NAP1L5: variants seen among roughly 807,000 people sequenced by gnomAD.
The protein encoded by NAP1L5 is nucleosome assembly protein 1 like 5.
For missense variants in NAP1L5, 249 were observed against 246.4 expected, an observed-to-expected ratio of 1.01 and a Z score of -0.07; for synonymous variants, 125 against 103.6, an observed-to-expected ratio of 1.21 and a Z score of -1.25.
In NAP1L5 at chr4:88,697,226, G is replaced by A; in HGVS notation, c.529C>T (p.Pro177Ser). Residue 177 changes from proline (P) to serine (S), a missense_variant, in exon 1 of 1, where the codon CCT (proline) becomes TCT (serine). By Grantham distance (74) the Pro-to-Ser change is moderately conservative (BLOSUM62 -1). Coordinates refer to ENST00000323061, the MANE Select transcript of NAP1L5 (RefSeq NM_153757.4). Reference protein sequence around the residue: ...AKHDDAHAEMPDDAKK With the variant: ...AKHDDAHAEMSDDAKK ...CCCCCTTACTTCTTGGCGTCATCAG[G>A]CATCTCGGCGTGGGCATCGTCATGT... is the stretch of plus-strand genomic sequence containing the variant. 1 of 1,521,494 alleles carries A rather than the reference G, an allele frequency of 6.6e-7. No individual in the cohort carries two copies. The highest frequency in any genetic ancestry group is 1.4e-5 in the African/African-American group (1 of 71,596). 94.2% of individuals were successfully genotyped at this position (1,521,494 alleles called of 1,614,324 possible). A position where few individuals can be genotyped will look rare whatever the true frequency, so the allele number is the denominator to read the frequency against.
At position 88,697,560 on chromosome 4, in the gene NAP1L5, C is replaced by T. The variant is rs1734749229; in HGVS notation, c.195G>A (p.Pro65=). The part of the protein sequence containing the change: ...PQTPAENAPK[P]KNDFIESLPN... ...GCAGGCTCTCGATAAAGTCATTTTT[C>T]GGCTTTGGGGCATTCTCTGCAGGGG... Residue 65 remains proline, a synonymous_variant, in exon 1 of 1, where the codon CCG becomes CCA. Transcript: ENST00000323061. 1.1e-5 allele frequency: 18 copies of T among 1,613,934 alleles called. No homozygotes were observed. The highest frequency in any genetic ancestry group is 1.5e-5 in the Non-Finnish European group (18 of 1,180,002).
Position 88,697,321 on chromosome 4 carries a change from T to C in NAP1L5, c.434A>G (p.Glu145Gly). Residue 145 changes from glutamate (E) to glycine (G), a missense_variant, in exon 1 of 1, where the codon GAG becomes GGG. By Grantham distance (98) the Glu-to-Gly change is moderately conservative (BLOSUM62 -2). Coordinates refer to ENST00000323061, the MANE Select transcript of NAP1L5 (RefSeq NM_153757.4). ...GTCTTCCCCCTCCTCCTCGTCATCC[T>C]CGTACTCCTCTTCCTCCTCCTCCTC... The part of the protein sequence containing the change: ...EGEEEEEEEY[E>G]DDEEEGEDEE... 3.7e-6 allele frequency: 6 copies of C among 1,613,456 alleles called. No individual in the cohort carries two copies. The highest frequency in any genetic ancestry group is 4.2e-6 in the Non-Finnish European group (5 of 1,179,630).
rs773092246 is a variant in NAP1L5 at position 88,697,694 on chromosome 4, C to T, written c.61G>A (p.Ala21Thr). 5.5e-5 allele frequency: 89 copies of T among 1,612,018 alleles called. 2 individuals are homozygous for T. The Admixed American group carries it at 1.5e-3, about 27-fold the overall frequency. Reference sequence around the variant, plus strand: ...TCCGCCATTACCTCCTCTGCCGCTGCCTCCGCCGCTGCCGCCGCCTGGCTA... The same window carrying T: ...TCCGCCATTACCTCCTCTGCCGCTGTCTCCGCCGCTGCCGCCGCCTGGCTA... Reference protein sequence around the residue: ...EPSQAAAAAEAAAEEVMAEGG... With the variant: ...EPSQAAAAAETAAEEVMAEGG... Residue 21 changes from alanine to threonine, a missense_variant, in exon 1 of 1, where the codon GCA becomes ACA. By Grantham distance (58) the Ala-to-Thr change is moderately conservative. Transcript: ENST00000323061.
At position 88,696,317 on chromosome 4, in the gene NAP1L5, C is replaced by T. The variant is rs142831234; in HGVS notation, c.*889G>A. The T allele has an allele frequency of 3.9e-5, 6 of 152,710 alleles. No homozygotes were observed. The highest frequency in any genetic ancestry group is 1.3e-4 in the Admixed American group (2 of 15,310). 9.5% of individuals were successfully genotyped at this position (152,710 alleles called of 1,614,324 possible). On this transcript the variant is annotated 3_prime_UTR_variant, in exon 1 of 1. Coordinates refer to ENST00000323061, the MANE Select transcript of NAP1L5 (RefSeq NM_153757.4). ...CCCTAAAAGCTACATGACAGAAAGA[C>T]GTCACAAGGCGCAAAGTACATAACG...
At position 88,697,681 on chromosome 4, in the gene NAP1L5, TCCTCTGCCGCTG is replaced by T. The variant is rs762048249; in HGVS notation, c.62_73del (p.Ala21_Glu24del). 9.6e-5 allele frequency: 154 copies of T among 1,612,080 alleles called. No individual in the cohort carries two copies. The highest frequency in any genetic ancestry group is 2.6e-4 in the South Asian group (24 of 91,030). ...CTGCGCACCGCCTTCCGCCATTACC[TCCTCTGCCGCTG>T]CCTCCGCCGCTGCCGCCGCCTGGCT... On this transcript the variant is annotated inframe_deletion, in exon 1 of 1. Coordinates refer to ENST00000323061, the MANE Select transcript of NAP1L5 (RefSeq NM_153757.4).
In NAP1L5 at chr4:88,697,534, G is replaced by C. The variant is rs370461824; in HGVS notation, c.221C>G (p.Pro74Arg). Residue 74 changes from proline (P) to arginine (R), a missense_variant, in exon 1 of 1, where the codon CCT becomes CGT. By Grantham distance (103) the Pro-to-Arg change is moderately radical. Transcript: ENST00000323061. Reference protein sequence around the residue: ...KPKNDFIESLPNSVKCRVLAL... With the variant: ...KPKNDFIESLRNSVKCRVLAL... ...CAGGACTCGGCATTTCACCGAATTA[G>C]GCAGGCTCTCGATAAAGTCATTTTT... 1 of 1,614,004 alleles carries C rather than the reference G, an allele frequency of 6.2e-7. No individual in the cohort carries two copies. The highest frequency in any genetic ancestry group is 1.3e-5 in the African/African-American group (1 of 74,892).
Position 88,697,554 on chromosome 4 carries a change from A to G in NAP1L5, c.201T>C (p.Asn67=). The G allele has an allele frequency of 6.2e-7, 1 of 1,614,004 alleles. No homozygotes were observed. The highest frequency in any genetic ancestry group is 8.5e-7 in the Non-Finnish European group (1 of 1,179,988). Residue 67 remains asparagine, a synonymous_variant, in exon 1 of 1, where the codon AAT becomes AAC. Coordinates refer to ENST00000323061, the MANE Select transcript of NAP1L5 (RefSeq NM_153757.4). Reference sequence around the variant, plus strand: ...AATTAGGCAGGCTCTCGATAAAGTCATTTTTCGGCTTTGGGGCATTCTCTG... The same window carrying G: ...AATTAGGCAGGCTCTCGATAAAGTCGTTTTTCGGCTTTGGGGCATTCTCTG... The part of the protein sequence containing the change: ...TPAENAPKPK[N]DFIESLPNSV...
chr4:88,697,539 G>T lies in NAP1L5; in HGVS notation c.216C>A (p.Ser72Arg), dbSNP rs1364557112. ...CTCGGCATTTCACCGAATTAGGCAG[G>T]CTCTCGATAAAGTCATTTTTCGGCT... ...APKPKNDFIE[S>R]LPNSVKCRVL... The change falls in exon 1 of 1, where the codon AGC becomes AGA. Residue 72 changes from serine (S) to arginine (R), a missense_variant. Coordinates refer to ENST00000323061, the MANE Select transcript of NAP1L5 (RefSeq NM_153757.4). 2 of 1,614,108 alleles carry T rather than the reference G, an allele frequency of 1.2e-6. No homozygotes were observed. Among genetic ancestry groups the T allele is most frequent in the Non-Finnish European group, 1.7e-6 (2 of 1,180,004 alleles).
chr4:88,697,236 G>C lies in NAP1L5; in HGVS notation c.519C>G (p.His173Gln). ...TCTTGGCGTCATCAGGCATCTCGGCGTGGGCATCGTCATGTTTGGCCCCCG... is the reference window on the plus strand; with the variant it reads ...TCTTGGCGTCATCAGGCATCTCGGCCTGGGCATCGTCATGTTTGGCCCCCG... ...AAAGAKHDDA[H>Q]AEMPDDAKK Residue 173 changes from histidine to glutamine, a missense_variant, in exon 1 of 1, where the codon CAC becomes CAG. His to Gln is a conservative substitution (Grantham distance 24). Transcript: ENST00000323061. 3 of 1,528,076 alleles carry C rather than the reference G, an allele frequency of 2.0e-6. No homozygotes were observed. Among genetic ancestry groups the C allele is most frequent in the East Asian group, 2.3e-5 (1 of 43,582 alleles). 94.7% of individuals were successfully genotyped at this position (1,528,076 alleles called of 1,614,324 possible).
rs771560957 is a variant in NAP1L5, at chr4:88,697,638, G to A, written c.117C>T (p.Ser39=). 1 of 1,613,612 alleles carries A rather than the reference G, an allele frequency of 6.2e-7. No homozygotes were observed. Among genetic ancestry groups the A allele is most frequent in the East Asian group, 2.2e-5 (1 of 44,856 alleles). The change falls in exon 1 of 1, where the codon AGC becomes AGT. Residue 39 remains serine (S), a synonymous_variant. Transcript: ENST00000323061. ...CCGCGCTGTCAGGGTCACCAGCCGC[G>A]CTGTCACAGTCTCCACCCTGCGCAC... ...EGGAQGGDCD[S]AAGDPDSAAG... is the part of the protein sequence containing the mutation.
At position 88,697,179 on chromosome 4, in the gene NAP1L5, C is replaced by A; in HGVS notation, c.*27G>T. 8.9e-6 allele frequency: 13 copies of A among 1,467,026 alleles called. No individual in the cohort carries two copies. Among genetic ancestry groups the A allele is most frequent in the Non-Finnish European group, 1.1e-5 (12 of 1,109,224 alleles). 90.9% of individuals were successfully genotyped at this position (1,467,026 alleles called of 1,614,324 possible). A position where few individuals can be genotyped will look rare whatever the true frequency, so the allele number is the denominator to read the frequency against. Reference sequence around the variant, plus strand: ...AAAACCAGGCTTTTTTCTTCGTGGGCTTTCTCTTCATCCATCTCTGCCCCC... The same window carrying A: ...AAAACCAGGCTTTTTTCTTCGTGGGATTTCTCTTCATCCATCTCTGCCCCC... On this transcript the variant is annotated 3_prime_UTR_variant, in exon 1 of 1. Transcript: ENST00000323061.
Position 88,697,163 on chromosome 4 carries a change from CTT to C in NAP1L5, c.*41_*42del. ...ATATTCTGGGAAAAACAAAACCAGGCTTTTTTCTTCGTGGGCTTTCTCTTCAT... is the reference window on the plus strand; with the variant it reads ...ATATTCTGGGAAAAACAAAACCAGGCTTTTCTTCGTGGGCTTTCTCTTCAT... On this transcript the variant is annotated 3_prime_UTR_variant, in exon 1 of 1. Coordinates refer to ENST00000323061, the MANE Select transcript of NAP1L5 (RefSeq NM_153757.4). 6.9e-7 allele frequency: 1 copy of C among 1,457,050 alleles called. No individual in the cohort carries two copies. The highest frequency in any genetic ancestry group is 9.1e-7 in the Non-Finnish European group (1 of 1,103,212). The allele number at this position is 1,457,050 out of a possible 1,614,324, so 90.3% of individuals were successfully genotyped here. A position where few individuals can be genotyped will look rare whatever the true frequency, so the allele number is the denominator to read the frequency against.
Position 88,697,532 on chromosome 4 carries a change from TAGGC to T in NAP1L5, c.219_222del (p.Pro74IlefsTer3), listed in dbSNP as rs1560778318. ...GCCAGGACTCGGCATTTCACCGAAT[TAGGC>T]AGGCTCTCGATAAAGTCATTTTTCG... is the stretch of plus-strand genomic sequence containing the variant. On this transcript the variant is annotated frameshift_variant, in exon 1 of 1. Transcript: ENST00000323061. LOFTEE classifies it low-confidence loss of function (END_TRUNC). 1 of 1,614,042 alleles carries T rather than the reference TAGGC, an allele frequency of 6.2e-7. No individual in the cohort carries two copies. Among genetic ancestry groups the T allele is most frequent in the Non-Finnish European group, 8.5e-7 (1 of 1,180,024 alleles).
chr4:88,697,163 C>A lies in NAP1L5; in HGVS notation c.*43G>T. ...ATATTCTGGGAAAAACAAAACCAGG[C>A]TTTTTTCTTCGTGGGCTTTCTCTTC... On this transcript the variant is annotated 3_prime_UTR_variant, in exon 1 of 1. Transcript: ENST00000323061. The A allele has an allele frequency of 6.9e-7, 1 of 1,457,050 alleles. No homozygotes were observed. The highest frequency in any genetic ancestry group is 9.1e-7 in the Non-Finnish European group (1 of 1,103,212). 90.3% of individuals were successfully genotyped at this position (1,457,050 alleles called of 1,614,324 possible).
chr4:88,697,760 AGG>A lies in NAP1L5; in HGVS notation c.-8_-7del. 1 of 1,601,974 alleles carries A rather than the reference AGG, an allele frequency of 6.2e-7. No individual in the cohort carries two copies. The highest frequency in any genetic ancestry group is 1.1e-5 in the South Asian group (1 of 89,626). On this transcript the variant is annotated 5_prime_UTR_variant, in exon 1 of 1. Transcript: ENST00000323061. Reference sequence around the variant, plus strand: ...TGGTTTTCCGAGTCGGCCATGTTAGAGGAGAAGCCGCAGAGGTCTAGGAGGGC... The same window carrying A: ...TGGTTTTCCGAGTCGGCCATGTTAGAAGAAGCCGCAGAGGTCTAGGAGGGC...
In NAP1L5 at chr4:88,697,372, T is replaced by G; in HGVS notation, c.383A>C (p.Glu128Ala). Residue 128 changes from glutamate to alanine, a missense_variant, in exon 1 of 1, where the codon GAG becomes GCG. Coordinates refer to ENST00000323061, the MANE Select transcript of NAP1L5 (RefSeq NM_153757.4). ...CCCCTCCAAGGTCCATGCACACCCC[T>G]CCATCTCGCCGGTGAGCTCTTGGAT... is the stretch of plus-strand genomic sequence containing the variant. ...AKIQELTGEMEGCAWTLEGEE... is the reference protein window; with the variant it reads ...AKIQELTGEMAGCAWTLEGEE... The G allele has an allele frequency of 6.2e-7, 1 of 1,614,000 alleles. No homozygotes were observed. The highest frequency in any genetic ancestry group is 8.5e-7 in the Non-Finnish European group (1 of 1,179,990).
Position 88,697,742 on chromosome 4 carries a change from C to T in NAP1L5, c.13G>A (p.Glu5Lys), listed in dbSNP as rs1191498841. 1 of 1,608,516 alleles carries T rather than the reference C, an allele frequency of 6.2e-7. No individual in the cohort carries two copies. Among genetic ancestry groups the T allele is most frequent in the Admixed American group, 1.7e-5 (1 of 59,696 alleles). The part of the protein sequence containing the change: MADS[E>K]NQGPAEPSQA... ...CTAGGCTCCGCAGGCCCCTGGTTTT[C>T]CGAGTCGGCCATGTTAGAGGAGAAG... The change falls in exon 1 of 1, where the codon GAA (glutamate) becomes AAA (lysine). Residue 5 changes from glutamate (E) to lysine (K), a missense_variant. By Grantham distance (56) the Glu-to-Lys change is moderately conservative (BLOSUM62 1). Transcript: ENST00000323061.
rs747550086 is a variant in NAP1L5 at position 88,697,533 on chromosome 4, A to C, written c.222T>G (p.Pro74=). 1 of 1,614,100 alleles carries C rather than the reference A, an allele frequency of 6.2e-7. No homozygotes were observed. Among genetic ancestry groups the C allele is most frequent in the Admixed American group, 1.7e-5 (1 of 60,028 alleles). ...KPKNDFIESL[P]NSVKCRVLAL... ...CCAGGACTCGGCATTTCACCGAATT[A>C]GGCAGGCTCTCGATAAAGTCATTTT... is the stretch of plus-strand genomic sequence containing the variant. The change falls in exon 1 of 1, where the codon CCT becomes CCG. Residue 74 remains proline, a synonymous_variant. Transcript: ENST00000323061.
Position 88,697,059 on chromosome 4 carries a change from A to T in NAP1L5, c.*147T>A. 1.4e-6 allele frequency: 1 copy of T among 735,742 alleles called. No individual in the cohort carries two copies. Among genetic ancestry groups the T allele is most frequent in the Non-Finnish European group, 2.1e-6 (1 of 475,194 alleles). The allele number at this position is 735,742 out of a possible 1,614,324, so 45.6% of individuals were successfully genotyped here. A position where few individuals can be genotyped will look rare whatever the true frequency, so the allele number is the denominator to read the frequency against. ...GAGCTGGCCAGGATCTAATTGCTTT[A>T]ATTTAATCTATTTTAGGAATGTCAG... On this transcript the variant is annotated 3_prime_UTR_variant, in exon 1 of 1. Transcript: ENST00000323061.
Sources: gnomAD v4.1 joint callset for allele counts on GRCh38, gnomAD v4.1.1 for gene constraint, MANE v1.5 for transcripts, NCBI Gene and HGNC (gene_info 2026-07-23, HGNC 2026-07-21) for gene names.